NUMA1: variants seen among roughly 807,000 people sequenced by gnomAD.
The protein encoded by NUMA1 is SP-H antigen.
NUMA1 carries 62 observed loss-of-function variants against 237.1 expected under a neutral mutation model. The ratio of observed to expected loss-of-function variants is 0.26; its 90% CI spans 0.21 to 0.32. NUMA1 has a LOEUF of 0.32. Ranked by LOEUF, NUMA1 falls within the 10% of genes least tolerant of loss-of-function variation. The pLI, the probability that NUMA1 is intolerant of heterozygous loss-of-function variation, is 1.00. For synonymous variants in NUMA1, 1,028 were observed against 1,066.1 expected (o/e 0.96, Z 0.70); for missense variants, 2,533 against 2,666.5 (o/e 0.95, Z 1.10).
At chr11:72,043,962 CAG>C (rs1470432996) in intron 2 of NUMA1, among the ~76,000 whole-genome samples, 2 of 152,034 alleles carry the variant, frequency 1.3e-5, no homozygotes, top group African/African-American at 2.4e-5. Flanking sequence ...GATAGATAAA[CAG>C]AGAGACAGAA....
intron 2 of NUMA1, among the ~76,000 whole-genome samples, chr11:72,062,438 C>T (rs1003700799): frequency 3.0e-4 from 45 of 152,026 alleles, no homozygotes; most frequent in Admixed American, 2.0e-4. Context: ...TTAGGCCAGG[C>T]GCGGTGGCTC....
chr11:72,022,806 G>A (rs773438080), intron 6 of NUMA1, among the ~76,000 whole-genome samples: 5 of 152,022 alleles, frequency 3.3e-5, no homozygotes, highest in Non-Finnish European at 5.9e-5. Context: ...GGTCTCCACC[G>A]AGGCCCACAG....
intron 2 of NUMA1, among the ~76,000 whole-genome samples, chr11:72,051,613 C>T (rs1056137933): frequency 1.3e-5 from 2 of 151,842 alleles, no homozygotes; most frequent in South Asian, 2.1e-4. Context: ...CTGGGGCTAC[C>T]GGTGTGCAGG....
At position 72,009,260 on chromosome 11, in the gene NUMA1, C is replaced by A; in HGVS notation, c.4839+8G>T. ...GAAGGTGGCATGGGCTGGGGCTGGG[C>A]TCCTTACCTGCAGCTTATAGTGCTC... is the stretch of plus-strand genomic sequence containing the variant. On this transcript the variant is annotated splice_region_variant and intron_variant, in intron 18 of 26. Transcript: ENST00000393695. 1 of 1,611,130 alleles carries A rather than the reference C, an allele frequency of 6.2e-7. No homozygotes were observed.
intron 2 of NUMA1, among the ~76,000 whole-genome samples, chr11:72,052,133 A>G (rs567815359): frequency 6.6e-6 from 1 of 152,300 alleles, no homozygotes; most frequent in South Asian, 2.1e-4. Flanking sequence ...GGCATTACAG[A>G]CGTAGAGACA....
chr11:72,007,181 A>G lies in NUMA1; in HGVS notation c.5463+8T>C, dbSNP rs1369332169. 2 of 1,606,374 alleles carry G rather than the reference A, an allele frequency of 1.2e-6. No individual in the cohort carries two copies. The highest frequency in any genetic ancestry group is 1.1e-5 in the South Asian group (1 of 91,028). On this transcript the variant is annotated splice_region_variant and intron_variant, in intron 21 of 26. Coordinates refer to ENST00000393695, the MANE Select transcript of NUMA1 (RefSeq NM_006185.4). The stretch of plus-strand genomic sequence containing the variant: ...GCTGCCCTGCAGCCCCTGTCCCAGC[A>G]GCCTGACCTTGGTCATGGTGATGTT...
intron 21 of NUMA1, 148 bp downstream of exon 21, chr11:72,007,041 C>G: frequency 1.1e-6 from 1 of 909,100 alleles, no homozygotes; most frequent in Non-Finnish European, 1.6e-6. Flanking sequence ...AACCAAGTCA[C>G]TGCCCTTTTT....
At chr11:72,066,968 T>C (rs539220816) in intron 2 of NUMA1, 2 of 152,162 alleles carry the variant, frequency 1.3e-5, no homozygotes, top group African/African-American at 4.8e-5. Context: ...AAGTTATACA[T>C]ATAGCATGAG....
chr11:72,029,234 G>A lies in NUMA1; in HGVS notation c.99C>T (p.Cys33=), dbSNP rs778510808. Residue 33 remains cysteine, a synonymous_variant, in exon 4 of 27, where the codon TGC becomes TGT. Transcript: ENST00000393695. ...TGTCAATGATCTTGATGAAGATGCT[G>A]CAGTCCTGGAGCTGCAGCACAGCCT... is the stretch of plus-strand genomic sequence containing the variant. The part of the protein sequence containing the change: ...PVEAVLQLQD[C]SIFIKIIDRI... 9 of 1,611,272 alleles carry A rather than the reference G, an allele frequency of 5.6e-6. No individual in the cohort carries two copies. Among genetic ancestry groups the A allele is most frequent in the Admixed American group, 5.0e-5 (3 of 59,988 alleles).
At chr11:72,063,936 A>G (rs1411540632) in intron 2 of NUMA1, among the ~76,000 whole-genome samples, 3 of 151,528 alleles carry the variant, frequency 2.0e-5, no homozygotes, top group Non-Finnish European at 4.4e-5. Context: ...AAAAAAAAAA[A>G]AAGAAACAAA....
intron 2 of NUMA1, among the ~76,000 whole-genome samples, chr11:72,063,431 G>T (rs1165243324): frequency 2.6e-5 from 4 of 151,622 alleles, no homozygotes; most frequent in African/African-American, 9.7e-5. Flanking sequence ...GGCTGGGTAT[G>T]GTGGCTCACA....
chr11:72,055,452 A>C (rs1942583928), intron 2 of NUMA1, among the ~76,000 whole-genome samples: 1 of 152,138 alleles, frequency 6.6e-6, no homozygotes, highest in African/African-American at 2.4e-5. Flanking sequence ...GACTCACCTG[A>C]GATAACATGA....
In NUMA1 at chr11:72,009,122, G is replaced by A. The variant is rs758513646; in HGVS notation, c.4903C>T (p.Leu1635=). Residue 1635 remains leucine (L), a synonymous_variant, in exon 19 of 27, where the codon CTG becomes TTG. Coordinates refer to ENST00000393695, the MANE Select transcript of NUMA1 (RefSeq NM_006185.4). ...TTCTGCAGCTGCTCCAGGCTCCGCAGCTGCTCCTGCAGCTCTTGGTTCTGC... is the reference window on the plus strand; with the variant it reads ...TTCTGCAGCTGCTCCAGGCTCCGCAACTGCTCCTGCAGCTCTTGGTTCTGC... ...KQQNQELQEQ[L]RSLEQLQKEN... 2 of 1,608,544 alleles carry A rather than the reference G, an allele frequency of 1.2e-6. No homozygotes were observed. The highest frequency in any genetic ancestry group is 8.5e-7 in the Non-Finnish European group (1 of 1,179,276).
At chr11:72,046,991 A>ACAAT (rs1942038396) in intron 2 of NUMA1, among the ~76,000 whole-genome samples, 1 of 152,064 alleles carries the variant, frequency 6.6e-6, no homozygotes, top group Non-Finnish European at 1.5e-5. Flanking sequence ...ATTTTAAATT[A>ACAAT]AAATAAATAA....
At chr11:72,016,975 ATTTTTTTTTTTT>A (rs67134844) in intron 13 of NUMA1, 325 of 153,126 alleles carry the variant, frequency 2.1e-3, no homozygotes, top group South Asian at 7.6e-3. Flanking sequence ...TTCATCCCTA[ATTTTTTTTTTTT>A]TTTTTTTTTT....
At chr11:72,011,062 T>A (rs907380439) in intron 16 of NUMA1, among the ~76,000 whole-genome samples, 1 of 152,162 alleles carries the variant, frequency 6.6e-6, no homozygotes, top group African/African-American at 2.4e-5. Context: ...CACATAGATG[T>A]TGCCAGGGCC....
At chr11:72,055,884 G>C (rs1348012824) in intron 2 of NUMA1, among the ~76,000 whole-genome samples, 2 of 151,786 alleles carry the variant, frequency 1.3e-5, no homozygotes, top group Admixed American at 1.3e-4. Flanking sequence ...GAGAGGCCGA[G>C]GCAGACAGAT....
chr11:72,004,781 C>A lies in NUMA1; in HGVS notation c.5865G>T (p.Glu1955Asp). The stretch of plus-strand genomic sequence containing the variant: ...TCTCTTGGGGGTCTCCAGTTTTCAT[C>A]TCCTCATCTGTGATGGTGCCCAGGC... ...SLSLGTITDE[E>D]MKTGDPQETL... Residue 1955 changes from glutamate to aspartate, a missense_variant, in exon 24 of 27, where the codon GAG (glutamate) becomes GAT (aspartate). Glu to Asp is a conservative substitution (Grantham distance 45, BLOSUM62 2). This residue lies in a region of NUMA1 where 795 missense variants were observed against 750.8 expected (regional missense o/e 1.06). Coordinates refer to ENST00000393695, the MANE Select transcript of NUMA1 (RefSeq NM_006185.4). 6.3e-7 allele frequency: 1 copy of A among 1,596,324 alleles called. No individual in the cohort carries two copies.
chr11:72,061,474 T>A (rs535571242), intron 2 of NUMA1, among the ~76,000 whole-genome samples: 44 of 119,924 alleles, frequency 3.7e-4, no homozygotes, highest in African/African-American at 1.3e-3. Flanking sequence ...TTCGTCTTCC[T>A]TGTTTCTTTT....
Sources: allele counts gnomAD v4.1 joint callset (sites outside exome capture counted in the v4.1 genomes callset), GRCh38; gene constraint gnomAD v4.1.1; regional missense constraint gnomAD v4.1.1; transcripts MANE v1.5; gene names NCBI Gene and HGNC (gene_info 2026-07-23, HGNC 2026-07-21).